AK5: variants seen among roughly 807,000 people sequenced by gnomAD.
AK5 encodes adenylate kinase 5, also known as adenylate kinase isoenzyme 5.
AK5 carries 27 observed loss-of-function variants against 69.5 expected under a neutral mutation model. The observed-to-expected ratio is 0.39, with a 90% CI of 0.29 to 0.54. AK5 has a LOEUF of 0.54. AK5 is among the 20% of genes least tolerant of loss of function. The probability of loss-of-function intolerance (pLI) is 0.71; values close to 1 mark genes in which losing one functional copy is unlikely to be tolerated. For synonymous variants in AK5, 260 were observed against 244.4 expected, an observed-to-expected ratio of 1.06 and a Z score of -0.60; for missense variants, 531 against 700.4, an observed-to-expected ratio of 0.76 and a Z score of 2.73.
intron 10 of AK5, among the ~76,000 whole-genome samples, chr1:77,497,634 C>CTGAA (rs1173862749): frequency 6.6e-6 from 1 of 152,218 alleles, no homozygotes; most frequent in Non-Finnish European, 1.5e-5. Context: ...CTCACCCAGG[C>CTGAA]TGAAGTGCAG....
intron 6 of AK5, among the ~76,000 whole-genome samples, chr1:77,348,800 A>C (rs145912079): frequency 1.3e-3 from 200 of 152,208 alleles, no homozygotes; most frequent in Admixed American, 0.01. Flanking sequence ...GTTATTCTCC[A>C]GGAGACACTC....
chr1:77,371,406 A>G (rs1647120450), intron 6 of AK5: 1 of 152,260 alleles, frequency 6.6e-6, no homozygotes, highest in Non-Finnish European at 1.5e-5. Context: ...AGAGTACTTT[A>G]CAGCACTGGA....
At chr1:77,399,671 C>G (rs1288260790) in intron 6 of AK5, among the ~76,000 whole-genome samples, 2 of 152,174 alleles carry the variant, frequency 1.3e-5, no homozygotes, top group African/African-American at 4.8e-5. Context: ...ATTCTCCCAT[C>G]TCAGAGAGGC....
At chr1:77,505,821 G>C (rs918817326) in intron 10 of AK5, among the ~76,000 whole-genome samples, 1 of 152,108 alleles carries the variant, frequency 6.6e-6, no homozygotes, top group Non-Finnish European at 1.5e-5. Context: ...ACTTGAACCT[G>C]GGAGGTGGAG....
At position 77,340,490 on chromosome 1, in the gene AK5, C is replaced by G. The variant is rs1394098998; in HGVS notation, c.813C>G (p.Thr271=). 2 of 1,613,920 alleles carry G rather than the reference C, an allele frequency of 1.2e-6. No individual in the cohort carries two copies. Among genetic ancestry groups the G allele is most frequent in the Non-Finnish European group, 1.7e-6 (2 of 1,179,998 alleles). ...QGRPDDNVKA[T]QRRLMNFKQN... ...GACCAGACGACAATGTAAAAGCTAC[C>G]CAAAGGAGACTAATGAACTTCAAGC... The change falls in exon 6 of 14, where the codon ACC becomes ACG. Residue 271 remains threonine, a synonymous_variant. Coordinates refer to ENST00000354567, the MANE Select transcript of AK5 (RefSeq NM_174858.3).
intron 5 of AK5, among the ~76,000 whole-genome samples, chr1:77,321,226 T>G (rs1465479511): frequency 6.6e-6 from 1 of 151,998 alleles, no homozygotes; most frequent in East Asian, 1.9e-4. Context: ...AATCCCAGCA[T>G]TTTGGGAGGC....
At chr1:77,338,417 A>T (rs1661480615) in intron 5 of AK5, among the ~76,000 whole-genome samples, 1 of 152,206 alleles carries the variant, frequency 6.6e-6, no homozygotes, top group African/African-American at 2.4e-5. Flanking sequence ...ATAAGTTGAG[A>T]TTTTATTTAG....
chr1:77,339,762 T>C (rs1015598679), intron 5 of AK5, among the ~76,000 whole-genome samples: 1 of 151,520 alleles, frequency 6.6e-6, no homozygotes, highest in Non-Finnish European at 1.5e-5. Context: ...TCTCTTGCCT[T>C]AGACTCCTGA....
At chr1:77,355,021 T>C (rs1352425567) in intron 6 of AK5, among the ~76,000 whole-genome samples, 2 of 152,234 alleles carry the variant, frequency 1.3e-5, no homozygotes, top group African/African-American at 4.8e-5. Context: ...ATATACTTGA[T>C]AATGTTTATT....
intron 12 of AK5, among the ~76,000 whole-genome samples, chr1:77,529,338 T>G (rs989605973): frequency 1.1e-4 from 16 of 151,106 alleles, no homozygotes; most frequent in East Asian, 1.9e-4. Flanking sequence ...TTATAGGTTT[T>G]TTTTTTTTTT....
At chr1:77,389,292 T>A (rs572812561) in intron 6 of AK5, among the ~76,000 whole-genome samples, 1 of 152,332 alleles carries the variant, frequency 6.6e-6, no homozygotes, top group Admixed American at 6.5e-5. Context: ...ACATTCCATT[T>A]TCAAACGTGT....
chr1:77,314,134 G>T, intron 5 of AK5: 1 of 323,016 alleles, frequency 3.1e-6, no homozygotes, highest in South Asian at 2.6e-5. Context: ...ACAATCTTAT[G>T]ATATGAATTG....
rs1570324610 is a variant in AK5, at chr1:77,293,939, C to T, written c.394C>T (p.Pro132Ser). The change falls in exon 3 of 14, where the codon CCA becomes TCA. Residue 132 changes from proline to serine, a missense_variant. Physicochemically the swap from Pro to Ser is moderately conservative, Grantham distance 74 (BLOSUM62 -1). Transcript: ENST00000354567. ...GGTTTTTGATCCTACCAGACCTCGA[C>T]CAAAAATCATTCTTGTTATAGGTAT... ...YEVFDPTRPR[P>S]KIILVIGGPG... The T allele has an allele frequency of 6.2e-7, 1 of 1,609,872 alleles. No homozygotes were observed.
chr1:77,534,848 G>T (rs1658867474), intron 12 of AK5, among the ~76,000 whole-genome samples: 1 of 152,126 alleles, frequency 6.6e-6, no homozygotes, highest in Non-Finnish European at 1.5e-5. Flanking sequence ...CAAAAGAAAA[G>T]AAAATAAAAA....
intron 8 of AK5, among the ~76,000 whole-genome samples, chr1:77,421,694 A>G (rs1244225293): frequency 6.6e-6 from 1 of 152,086 alleles, no homozygotes; most frequent in Non-Finnish European, 1.5e-5. Flanking sequence ...CTCAGCCACA[A>G]AGCTTCTGCT....
chr1:77,387,400 C>T (rs553574215), intron 6 of AK5, among the ~76,000 whole-genome samples: 92 of 152,090 alleles, frequency 6.0e-4, no homozygotes, highest in African/African-American at 2.2e-3. Flanking sequence ...ATTATTTTAC[C>T]CTAATTGTCA....
At chr1:77,350,293 C>T (rs1662125756) in intron 6 of AK5, among the ~76,000 whole-genome samples, 1 of 152,114 alleles carries the variant, frequency 6.6e-6, no homozygotes, top group Non-Finnish European at 1.5e-5. Flanking sequence ...AACATTGACC[C>T]TTGAGAGGCA....
At chr1:77,478,927 G>GTT (rs34019719) in intron 8 of AK5, among the ~76,000 whole-genome samples, 4 of 144,260 alleles carry the variant, frequency 2.8e-5, no homozygotes, top group Non-Finnish European at 3.0e-5. Context: ...TGCAAAAGTA[G>GTT]TTTTTTTTTT....
At chr1:77,399,504 C>T (rs1649053651) in intron 6 of AK5, among the ~76,000 whole-genome samples, 1 of 152,118 alleles carries the variant, frequency 6.6e-6, no homozygotes, top group African/African-American at 2.4e-5. Flanking sequence ...TTCTCTCAGT[C>T]AAAGGGGATA....
Sources: allele counts gnomAD v4.1 joint callset (sites outside exome capture counted in the v4.1 genomes callset), GRCh38; gene constraint gnomAD v4.1.1; transcripts MANE v1.5; gene names NCBI Gene and HGNC (gene_info 2026-07-23, HGNC 2026-07-21).